Variants in PIEZO2 observed in about 807,000 individuals in gnomAD.
The protein encoded by PIEZO2 is piezo-type mechanosensitive ion channel component 2.
PIEZO2 carries 172 observed loss-of-function variants against 337.3 expected under a neutral mutation model. That is an observed-to-expected ratio of 0.51 (90% CI 0.45 to 0.58). The LOEUF is 0.58. Among genes scored for constraint, PIEZO2 ranks in the 20% least tolerant of loss-of-function variants. The pLI, the probability that PIEZO2 is intolerant of heterozygous loss-of-function variation, is 0.00. For synonymous variants in PIEZO2, 1,251 were observed against 1,228.5 expected (o/e 1.02, Z -0.38); for missense variants, 3,028 against 3,391.3 (o/e 0.89, Z 2.66).
chr18:10,967,516 G>C (rs891029350), intron 3 of PIEZO2, among the ~76,000 whole-genome samples: 4 of 152,126 alleles, frequency 2.6e-5, no homozygotes, highest in Admixed American at 1.3e-4. Context: ...GCTCTTTAAG[G>C]AATCTCCACA....
rs376582837 is a variant in PIEZO2 at position 10,677,794 on chromosome 18, G to A, written c.8034C>T (p.Ile2678=). The A allele has an allele frequency of 8.9e-5, 144 of 1,610,508 alleles. No homozygotes were observed. The South Asian group carries it at 1.1e-3, about 12-fold the overall frequency. The part of the protein sequence containing the change: ...FPLKNITRKN[I]AKMIAGNSTE... ...TGCTGTTGCCTGCTATCATTTTAGCGATATTCTTTCGAGTAATATTTTTAA... is the reference window on the plus strand; with the variant it reads ...TGCTGTTGCCTGCTATCATTTTAGCAATATTCTTTCGAGTAATATTTTTAA... Residue 2678 remains isoleucine (I), a synonymous_variant, in exon 53 of 56, where the codon ATC becomes ATT. Coordinates refer to ENST00000674853, the MANE Select transcript of PIEZO2 (RefSeq NM_001378183.1). This position sits in a 1 kb window ranked among gnomAD's most constrained non-coding sequence, Gnocchi z 4.1.
rs376735785 is a variant in PIEZO2 at position 11,094,060 on chromosome 18, C to A, written c.65-27838G>T. ...GTGGTGCTACTGCGGCTCACTGCAA[C>A]CTCTGCCTCCTGGGTTCAAGCGATT... On this transcript the variant is annotated intron_variant, in intron 1 of 55. Transcript: ENST00000674853. The surrounding 1 kb of genome is among the most constrained non-coding windows in gnomAD (Gnocchi z 4.4). Among the ~76,000 whole-genome samples the A allele has an allele frequency of 6.6e-6, 1 of 151,770 alleles. No individual in the cohort carries two copies. The highest frequency in any genetic ancestry group is 2.4e-5 in the African/African-American group (1 of 41,262).
rs1280245611 is a variant in PIEZO2 at position 11,027,973 on chromosome 18, T to C, written c.160+38154A>G. On this transcript the variant is annotated intron_variant, in intron 2 of 55. Transcript: ENST00000674853. This position sits in a 1 kb window ranked among gnomAD's most constrained non-coding sequence, Gnocchi z 4.2. ...CTTCAAACACTGTTTCTGAGAATGA[T>C]CTCACAGAACAGGAAGACCTGCTAT... 1.3e-5 allele frequency among the ~76,000 whole-genome samples: 2 copies of C among 152,218 alleles called. No individual in the cohort carries two copies. Among genetic ancestry groups the C allele is most frequent in the African/African-American group, 4.8e-5 (2 of 41,462 alleles).
chr18:11,131,552 G>A lies in PIEZO2; in HGVS notation c.64+16973C>T. 6.6e-6 allele frequency among the ~76,000 whole-genome samples: 1 copy of A among 152,218 alleles called. No homozygotes were observed. The highest frequency in any genetic ancestry group is 6.5e-5 in the Admixed American group (1 of 15,286). On this transcript the variant is annotated intron_variant, in intron 1 of 55. Transcript: ENST00000674853. This position sits in a 1 kb window ranked among gnomAD's most constrained non-coding sequence, Gnocchi z 5.3. ...AAATCCTTGAAGGACAGCGGTGAAG[G>A]GAAATCTTCCCAGTGGGCAGAACTT...
At chr18:11,108,613 CAAAAAA>C (rs532226919) in intron 1 of PIEZO2, among the ~76,000 whole-genome samples, 1 of 56,858 alleles carries the variant, frequency 1.8e-5, no homozygotes, top group Admixed American at 2.2e-4. Flanking sequence ...GACTCCCTCT[CAAAAAA>C]AAAAAAAAAA....
chr18:11,005,892 G>A (rs2035701596), intron 2 of PIEZO2, among the ~76,000 whole-genome samples: 1 of 152,216 alleles, frequency 6.6e-6, no homozygotes, highest in African/African-American at 2.4e-5. Flanking sequence ...TCTACAAAGG[G>A]AGTCTCCAGT....
intron 36 of PIEZO2, among the ~76,000 whole-genome samples, chr18:10,720,199 T>C (rs1036258967): frequency 1.4e-5 from 2 of 147,370 alleles, no homozygotes; most frequent in Admixed American, 7.1e-5. Flanking sequence ...AGAGAGAGGA[T>C]ATATATATGT....
chr18:11,122,996 GGC>G (rs1491537816), intron 1 of PIEZO2, among the ~76,000 whole-genome samples: 2,244 of 97,294 alleles, frequency 0.023, 56 homozygotes, highest in African/African-American at 0.055. Context: ...TATAATGTGC[GGC>G]TTTTTCCCAA....
In PIEZO2 at chr18:11,025,527, T is replaced by C. The variant is rs562921588; in HGVS notation, c.160+40600A>G. On this transcript the variant is annotated intron_variant, in intron 2 of 55. Transcript: ENST00000674853. The stretch of plus-strand genomic sequence containing the variant: ...CTGGGCTTCAAAGGGCCCGGTGCAC[T>C]AGCGATCCCATTCCATTATCCTGGC... Among the ~76,000 whole-genome samples, 8 of 152,060 alleles carry C rather than the reference T, an allele frequency of 5.3e-5. 1 individual carries two copies. The highest frequency in any genetic ancestry group is 1.9e-4 in the African/African-American group (8 of 41,352).
intron 2 of PIEZO2, among the ~76,000 whole-genome samples, chr18:11,058,631 C>T (rs749797268): frequency 4.6e-5 from 7 of 152,090 alleles, no homozygotes; most frequent in Non-Finnish European, 1.0e-4. Flanking sequence ...GATGAATGCA[C>T]AAGCTTCAGT....
chr18:10,806,255 C>G (rs1428008856), intron 8 of PIEZO2, among the ~76,000 whole-genome samples: 1 of 152,146 alleles, frequency 6.6e-6, no homozygotes, highest in African/African-American at 2.4e-5. Context: ...CTGTAGGGTT[C>G]CCCGCAGGTG....
chr18:10,706,684 TC>T (rs2035601114), intron 40 of PIEZO2, among the ~76,000 whole-genome samples: 1 of 152,204 alleles, frequency 6.6e-6, no homozygotes, highest in African/African-American at 2.4e-5. Flanking sequence ...CCCTGTCACG[TC>T]CATGCAGACA....
At chr18:10,926,772 A>T (rs929989794) in intron 3 of PIEZO2, among the ~76,000 whole-genome samples, 1 of 152,182 alleles carries the variant, frequency 6.6e-6, no homozygotes, top group Non-Finnish European at 1.5e-5. Context: ...CGACTCTGAG[A>T]TGTTCTTGCT....
At chr18:10,826,559 T>G (rs1286456100) in intron 7 of PIEZO2, among the ~76,000 whole-genome samples, 1 of 152,212 alleles carries the variant, frequency 6.6e-6, no homozygotes, top group Non-Finnish European at 1.5e-5. Flanking sequence ...CCTTTTGTCT[T>G]CAGTCATACA....
intron 1 of PIEZO2, among the ~76,000 whole-genome samples, chr18:11,074,800 A>G (rs2038473366): frequency 1.3e-5 from 2 of 152,194 alleles, no homozygotes; most frequent in Admixed American, 1.3e-4. Flanking sequence ...GATATAGAAT[A>G]ATTTTCCTGT....
chr18:10,803,966 T>C lies in PIEZO2; in HGVS notation c.1109A>G (p.Asp370Gly). 1 of 1,537,394 alleles carries C rather than the reference T, an allele frequency of 6.5e-7. No individual in the cohort carries two copies. Among genetic ancestry groups the C allele is most frequent in the Non-Finnish European group, 8.7e-7 (1 of 1,146,946 alleles). Reference protein sequence around the residue: ...LVQDEGTKEEDKALACSPIQI... With the variant: ...LVQDEGTKEEGKALACSPIQI... The stretch of plus-strand genomic sequence containing the variant: ...GATGGGGCTACAAGCCAGGGCTTTG[T>C]CCTCTTCTTTGGTCCCCTCATCCTG... Residue 370 changes from aspartate to glycine, a missense_variant, in exon 9 of 56, where the codon GAC becomes GGC. By Grantham distance (94) the Asp-to-Gly change is moderately conservative (BLOSUM62 -1). This residue lies in a region of PIEZO2 where 542 missense variants were observed against 605.6 expected (regional missense o/e 0.89). Transcript: ENST00000674853.
chr18:11,135,690 T>C (rs2146258849), intron 1 of PIEZO2, among the ~76,000 whole-genome samples: 1 of 152,298 alleles, frequency 6.6e-6, no homozygotes, highest in African/African-American at 2.4e-5. Context: ...TGGGACTACA[T>C]GTGCGTGCCA....
chr18:10,990,882 T>C (rs1177058946), intron 2 of PIEZO2, among the ~76,000 whole-genome samples: 1 of 152,044 alleles, frequency 6.6e-6, no homozygotes, highest in Admixed American at 6.6e-5. Context: ...ATTCTTTTTA[T>C]GCTTTTTTAG....
intron 2 of PIEZO2, among the ~76,000 whole-genome samples, chr18:11,024,311 C>G (rs972475380): frequency 6.6e-6 from 1 of 151,828 alleles, no homozygotes; most frequent in African/African-American, 2.4e-5. Flanking sequence ...TCTGGGAGGC[C>G]GAGGCGAGCA....
Sources: allele counts gnomAD v4.1 joint callset (sites outside exome capture counted in the v4.1 genomes callset), GRCh38; gene constraint gnomAD v4.1.1; regional missense constraint gnomAD v4.1.1; non-coding constraint Gnocchi (gnomAD v3.1); transcripts MANE v1.5; gene names NCBI Gene and HGNC (gene_info 2026-07-23, HGNC 2026-07-21).